DMRT1: variants seen among roughly 807,000 people sequenced by gnomAD.
DMRT1 encodes doublesex- and mab-3-related transcription factor 1.
In DMRT1, 7 loss-of-function variants were observed where a neutral mutation model predicts 32.3. The ratio of observed to expected loss-of-function variants is 0.22; its 90% CI spans 0.12 to 0.41. The LOEUF is 0.41. DMRT1 is among the 10% of genes least tolerant of loss of function. DMRT1 has a pLI of 1.00. For missense variants in DMRT1, 625 were observed against 500.5 expected (o/e 1.25, Z -2.37); for synonymous variants, 278 against 206.1 (o/e 1.35, Z -2.99).
At chr9:926,407 AT>A (rs1818525338) in intron 4 of DMRT1, among the ~76,000 whole-genome samples, 1 of 152,184 alleles carries the variant, frequency 6.6e-6, no homozygotes, top group African/African-American at 2.4e-5. Context: ...TTTCAAAAAT[AT>A]TTATTCTCTT....
chr9:864,024 G>T (rs947451801), intron 2 of DMRT1, among the ~76,000 whole-genome samples: 1 of 152,050 alleles, frequency 6.6e-6, no homozygotes, highest in Non-Finnish European at 1.5e-5. Flanking sequence ...AGACTGCGGG[G>T]TGATAAGAGT....
intron 4 of DMRT1, among the ~76,000 whole-genome samples, chr9:956,976 C>T (rs1017784010): frequency 5.3e-5 from 8 of 152,084 alleles, no homozygotes; most frequent in African/African-American, 1.9e-4. Flanking sequence ...TTAGATTCAG[C>T]GGGTTCATGT....
At chr9:913,774 A>C (rs946928523) in intron 3 of DMRT1, among the ~76,000 whole-genome samples, 2 of 152,138 alleles carry the variant, frequency 1.3e-5, no homozygotes, top group African/African-American at 4.8e-5. Context: ...ATGTCTGTAG[A>C]GTAGGCTACT....
chr9:913,769 T>C (rs1301127835), intron 3 of DMRT1, among the ~76,000 whole-genome samples: 1 of 152,116 alleles, frequency 6.6e-6, no homozygotes, highest in Non-Finnish European at 1.5e-5. Flanking sequence ...GGGGCATGTC[T>C]GTAGAGTAGG....
chr9:942,420 C>T (rs752454800), intron 4 of DMRT1, among the ~76,000 whole-genome samples: 9 of 152,208 alleles, frequency 5.9e-5, no homozygotes, highest in Middle Eastern at 3.4e-3. Context: ...ACTACAGGCG[C>T]GTGCCACCAC....
chr9:883,126 A>C (rs1179979458), intron 2 of DMRT1, among the ~76,000 whole-genome samples: 1 of 151,762 alleles, frequency 6.6e-6, no homozygotes, highest in African/African-American at 2.4e-5. Context: ...ATAGCCTGCC[A>C]TCTGTCCCAC....
At chr9:889,193 G>C (rs1041346923) in intron 2 of DMRT1, among the ~76,000 whole-genome samples, 1 of 152,170 alleles carries the variant, frequency 6.6e-6, no homozygotes, top group Non-Finnish European at 1.5e-5. Flanking sequence ...TGTACTAGCA[G>C]TGTTCATATA....
intron 4 of DMRT1, among the ~76,000 whole-genome samples, chr9:938,286 A>G (rs770520013): frequency 2.6e-5 from 4 of 152,176 alleles, no homozygotes; most frequent in Non-Finnish European, 5.9e-5. Context: ...GAATTTTACA[A>G]TGGGTTTTTC....
chr9:885,244 G>C (rs972260414), intron 2 of DMRT1, among the ~76,000 whole-genome samples: 15 of 152,186 alleles, frequency 9.9e-5, no homozygotes, highest in Non-Finnish European at 2.2e-4. Flanking sequence ...CTGTCTGTAG[G>C]TGGCTTGCGT....
At chr9:923,223 G>C (rs1056348489) in intron 4 of DMRT1, among the ~76,000 whole-genome samples, 2 of 152,170 alleles carry the variant, frequency 1.3e-5, no homozygotes, top group African/African-American at 4.8e-5. Flanking sequence ...GAAAACTGAG[G>C]TTCTGCTCTC....
At chr9:925,963 G>C (rs1586626317) in intron 4 of DMRT1, among the ~76,000 whole-genome samples, 1 of 152,120 alleles carries the variant, frequency 6.6e-6, no homozygotes, top group African/African-American at 2.4e-5. Flanking sequence ...GCTGTGATTG[G>C]GGTTGAGAGT....
rs56745021 is a variant in DMRT1 at position 917,162 on chromosome 9, A to G, written c.967+255A>G. Among the ~76,000 whole-genome samples, 13,241 of 152,150 alleles carry G rather than the reference A, an allele frequency of 0.087. 1,034 individuals carry two copies. The highest frequency in any genetic ancestry group is 0.18 in the African/African-American group (7,605 of 41,478). On this transcript the variant is annotated intron_variant, in intron 4 of 4. Coordinates refer to ENST00000382276, the MANE Select transcript of DMRT1 (RefSeq NM_021951.3). ...GTAAGATGAGAGACTCTCCCTTGGA[A>G]GCTAAAAATGTATTTTATGGAGGAT...
At chr9:919,006 G>T (rs1818271529) in intron 4 of DMRT1, among the ~76,000 whole-genome samples, 1 of 152,162 alleles carries the variant, frequency 6.6e-6, no homozygotes, top group South Asian at 2.1e-4. Context: ...TTGAGAGCAT[G>T]TTAGCCCTTC....
chr9:959,774 T>C (rs1368434979), intron 4 of DMRT1, among the ~76,000 whole-genome samples: 1 of 152,092 alleles, frequency 6.6e-6, no homozygotes, highest in Non-Finnish European at 1.5e-5. Context: ...GTGATCCACC[T>C]ACCTCAGCCT....
chr9:855,003 G>A (rs1024824871), intron 2 of DMRT1, among the ~76,000 whole-genome samples: 4 of 150,868 alleles, frequency 2.7e-5, no homozygotes, highest in East Asian at 2.0e-4. Flanking sequence ...TCCTGACCTC[G>A]TGATCCGCCC....
At chr9:889,594 C>A (rs1375297453) in intron 2 of DMRT1, among the ~76,000 whole-genome samples, 1 of 152,186 alleles carries the variant, frequency 6.6e-6, no homozygotes, top group Non-Finnish European at 1.5e-5. Context: ...TTTATTGAAG[C>A]CATTCTCTTG....
At chr9:966,015 G>A (rs952210415) in intron 4 of DMRT1, among the ~76,000 whole-genome samples, 1 of 152,150 alleles carries the variant, frequency 6.6e-6, no homozygotes, top group African/African-American at 2.4e-5. Flanking sequence ...GTCACTGGTT[G>A]GGGGTGGGGA....
chr9:953,724 C>A (rs1819505774), intron 4 of DMRT1, among the ~76,000 whole-genome samples: 1 of 152,230 alleles, frequency 6.6e-6, no homozygotes, highest in East Asian at 1.9e-4. Context: ...ACCATTCTTT[C>A]CATGCATACT....
In DMRT1 at chr9:965,794, G is replaced by T. The variant is rs80132297; in HGVS notation, c.968-2191G>T. On this transcript the variant is annotated intron_variant, in intron 4 of 4. Coordinates refer to ENST00000382276, the MANE Select transcript of DMRT1 (RefSeq NM_021951.3). The surrounding 1 kb of genome is among the most constrained non-coding windows in gnomAD (Gnocchi z 4.5). ...AAATGTGGGGCCCAGGAGAAGGTTG[G>T]TGCAGGGGCCAGAGCACGCCAGAGT... Among the ~76,000 whole-genome samples the T allele has an allele frequency of 0.017, 2,558 of 152,314 alleles. 78 individuals carry two copies. Among genetic ancestry groups the T allele is most frequent in the African/African-American group, 0.059 (2,439 of 41,544 alleles).
Sources: gnomAD v4.1 joint callset for allele counts (sites outside exome capture counted in the v4.1 genomes callset) on GRCh38, gnomAD v4.1.1 for gene constraint, Gnocchi (gnomAD v3.1) non-coding constraint, MANE v1.5 for transcripts, NCBI Gene and HGNC (gene_info 2026-07-23, HGNC 2026-07-21) for gene names.